SAFB: variants seen among roughly 807,000 people sequenced by gnomAD.
SAFB encodes the protein scaffold attachment factor B1.
Under a neutral mutation model 101.6 loss-of-function variants are expected in SAFB, and 15 were observed. The ratio of observed to expected loss-of-function variants is 0.15; its 90% CI spans 0.10 to 0.23. The LOEUF (loss-of-function observed/expected upper bound fraction) is 0.23. SAFB is among the 10% of genes least tolerant of loss of function. The pLI, the probability that SAFB is intolerant of heterozygous loss-of-function variation, is 1.00. For missense variants in SAFB, 930 were observed against 1,104.1 expected, an observed-to-expected ratio of 0.84 and a Z score of 2.23; for synonymous variants, 449 against 407.5, an observed-to-expected ratio of 1.10 and a Z score of -1.23.
intron 5 of SAFB, among the ~76,000 whole-genome samples, 165 bp downstream of exon 5, chr19:5,645,564 T>C (rs570186128): frequency 1.3e-5 from 2 of 152,356 alleles, no homozygotes; most frequent in African/African-American, 4.8e-5. Flanking sequence ...CCTCCAAATA[T>C]AATGTACGCA....
intron 5 of SAFB, among the ~76,000 whole-genome samples, chr19:5,646,529 C>T (rs991687287): frequency 6.6e-6 from 1 of 152,190 alleles, no homozygotes; most frequent in East Asian, 1.9e-4. Flanking sequence ...GTATTTGCTT[C>T]TCTTTAGAGA....
chr19:5,629,480 A>T (rs1219055344), intron 2 of SAFB, among the ~76,000 whole-genome samples: 1 of 152,080 alleles, frequency 6.6e-6, no homozygotes, highest in Non-Finnish European at 1.5e-5. Flanking sequence ...TTTTTTCATT[A>T]AAAAAACCCG....
At chr19:5,656,140 A>G (rs1396796172) in intron 13 of SAFB, among the ~76,000 whole-genome samples, 1 of 152,222 alleles carries the variant, frequency 6.6e-6, no homozygotes, top group Non-Finnish European at 1.5e-5. Flanking sequence ...TCTGTTTTTC[A>G]CTAAAAGTTA....
rs770483515 is a variant in SAFB, at chr19:5,667,381, G to C, written c.2488G>C (p.Glu830Gln). Residue 830 changes from glutamate to glutamine, a missense_variant, in exon 19 of 21, where the codon GAG (glutamate) becomes CAG (glutamine). Physicochemically the swap from Glu to Gln is conservative, Grantham distance 29. This residue lies in a region of SAFB where 318 missense variants were observed against 342.6 expected (regional missense o/e 0.93). Coordinates refer to ENST00000588852, the MANE Select transcript of SAFB (RefSeq NM_001201338.2). This position sits in a 1 kb window ranked among gnomAD's most constrained non-coding sequence, Gnocchi z 4.0. ...RRDWGDHGRR[E>Q]DDRSWQGTAD... ...TGACTGGGGGGACCATGGCCGAAGAGAGGATGACCGGTCATGGCAGGGCAC... is the reference window on the plus strand; with the variant it reads ...TGACTGGGGGGACCATGGCCGAAGACAGGATGACCGGTCATGGCAGGGCAC... The C allele has an allele frequency of 4.2e-5, 64 of 1,511,134 alleles. No homozygotes were observed. The highest frequency in any genetic ancestry group is 8.8e-7 in the Non-Finnish European group (1 of 1,135,366). 93.6% of individuals were successfully genotyped at this position (1,511,134 alleles called of 1,614,324 possible). A position where few individuals can be genotyped will look rare whatever the true frequency, so the allele number is the denominator to read the frequency against.
chr19:5,660,524 G>A (rs1290246995), intron 14 of SAFB, among the ~76,000 whole-genome samples: 8 of 150,756 alleles, frequency 5.3e-5, no homozygotes, highest in Admixed American at 6.6e-5. Context: ...TTCTGGAGAC[G>A]GGGTCTCACT....
At chr19:5,653,833 A>T (rs1341530491) in intron 11 of SAFB, among the ~76,000 whole-genome samples, 1 of 151,772 alleles carries the variant, frequency 6.6e-6, no homozygotes, top group Non-Finnish European at 1.5e-5. Flanking sequence ...ATCTCTTTTC[A>T]TTGAACCTCC....
At chr19:5,661,343 TG>T in intron 14 of SAFB, 174 bp from the exon 15 acceptor site, 1 of 1,140,382 alleles carries the variant, frequency 8.8e-7, no homozygotes, top group Non-Finnish European at 1.2e-6. Flanking sequence ...GAGATCTTCC[TG>T]GGCTGCTCCT....
chr19:5,635,762 G>A (rs145170096), intron 2 of SAFB, among the ~76,000 whole-genome samples: 11 of 152,184 alleles, frequency 7.2e-5, no homozygotes, highest in African/African-American at 2.4e-4. Context: ...AGGGAGCTAC[G>A]AGCAGGCGAT....
chr19:5,623,423 A>G (rs1568239859), intron 1 of SAFB, 29 bp downstream of exon 1: 1 of 1,602,826 alleles, frequency 6.2e-7, no homozygotes, highest in Middle Eastern at 1.7e-4. Flanking sequence ...GGGCGGGCAC[A>G]GGGTGGGTCT....
At chr19:5,629,953 GA>G (rs2053453208) in intron 2 of SAFB, among the ~76,000 whole-genome samples, 2 of 152,148 alleles carry the variant, frequency 1.3e-5, no homozygotes, top group African/African-American at 4.8e-5. Context: ...AAGGCAAGAA[GA>G]TAGCTTGAAC....
At chr19:5,644,857 C>G (rs1243604332) in intron 4 of SAFB, among the ~76,000 whole-genome samples, 2 of 152,226 alleles carry the variant, frequency 1.3e-5, no homozygotes, top group Non-Finnish European at 2.9e-5. Context: ...TGTCCTCACC[C>G]TCATGCTGGG....
rs2053800340 is a variant in SAFB, at chr19:5,645,165, T to G, written c.547-172T>G. Among the ~76,000 whole-genome samples, 3 of 152,238 alleles carry G rather than the reference T, an allele frequency of 2.0e-5. No homozygotes were observed. In the South Asian group the frequency reaches 6.2e-4, roughly 31 times the overall value. On this transcript the variant is annotated intron_variant, in intron 4 of 20. Transcript: ENST00000588852. ...TGCAGGTGGACATTTACATACAACT[T>G]TTTTTTCAGTTTAGCTGCAATTATA...
chr19:5,640,115 A>G (rs1463148388), intron 2 of SAFB, among the ~76,000 whole-genome samples: 1 of 151,870 alleles, frequency 6.6e-6, no homozygotes, highest in East Asian at 1.9e-4. Flanking sequence ...CGGCCTCCCA[A>G]GTGCTGGGAT....
intron 2 of SAFB, among the ~76,000 whole-genome samples, chr19:5,628,369 G>T (rs1192745285): frequency 6.6e-6 from 1 of 152,100 alleles, no homozygotes; most frequent in East Asian, 1.9e-4. Context: ...GATTTTGTGC[G>T]GTATTTTCGT....
At chr19:5,634,674 T>C (rs964148496) in intron 2 of SAFB, among the ~76,000 whole-genome samples, 1 of 152,026 alleles carries the variant, frequency 6.6e-6, no homozygotes, top group Non-Finnish European at 1.5e-5. Flanking sequence ...GACAAATCAG[T>C]AAGGAAAACA....
chr19:5,667,221 C>A lies in SAFB; in HGVS notation c.2453+57C>A, dbSNP rs530015685. On this transcript the variant is annotated intron_variant, in intron 18 of 20. Coordinates refer to ENST00000588852, the MANE Select transcript of SAFB (RefSeq NM_001201338.2). This position sits in a 1 kb window ranked among gnomAD's most constrained non-coding sequence, Gnocchi z 4.0. ...CCCCCCCCGCCCACAAGGGGGCCCG[C>A]AAGTCGCTGGGATGTGGGCACAGGG... The A allele has an allele frequency of 1.6e-6, 2 of 1,280,420 alleles. No individual in the cohort carries two copies. The highest frequency in any genetic ancestry group is 2.8e-5 in the South Asian group (2 of 72,108). 79.3% of individuals were successfully genotyped at this position (1,280,420 alleles called of 1,614,324 possible).
chr19:5,641,298 T>C (rs1339018389), intron 2 of SAFB, among the ~76,000 whole-genome samples: 1 of 152,166 alleles, frequency 6.6e-6, no homozygotes, highest in Non-Finnish European at 1.5e-5. Flanking sequence ...ACAAGGACAC[T>C]TGGGATAGGA....
chr19:5,654,108 C>G lies in SAFB; in HGVS notation c.1574C>G (p.Ala525Gly), dbSNP rs778883528. The stretch of plus-strand genomic sequence containing the variant: ...GATAAATGTGACAGAAAAGATGATG[C>G]TAAGAAGGGTGACGACGGAAGTGGA... ...RDDKCDRKDD[A>G]KKGDDGSGEK... Residue 525 changes from alanine (A) to glycine (G), a missense_variant, in exon 12 of 21, where the codon GCT (alanine) becomes GGT (glycine). Physicochemically the swap from Ala to Gly is moderately conservative, Grantham distance 60 (BLOSUM62 0). This residue lies in a region of SAFB where 92 missense variants were observed against 83.8 expected (regional missense o/e 1.10). Coordinates refer to ENST00000588852, the MANE Select transcript of SAFB (RefSeq NM_001201338.2). The G allele has an allele frequency of 1.9e-6, 3 of 1,614,024 alleles. No individual in the cohort carries two copies. The South Asian group carries it at 3.3e-5, about 18-fold the overall frequency.
intron 3 of SAFB, 35 bp from the exon 4 acceptor site, chr19:5,641,705 C>G: frequency 6.2e-7 from 1 of 1,612,056 alleles, no homozygotes; most frequent in Middle Eastern, 1.7e-4. Flanking sequence ...GGACCAGTGG[C>G]GGTCACATGA....
Sources: gnomAD v4.1 joint callset for allele counts (sites outside exome capture counted in the v4.1 genomes callset) on GRCh38, gnomAD v4.1.1 for gene constraint, gnomAD v4.1.1 regional missense constraint, Gnocchi (gnomAD v3.1) non-coding constraint, MANE v1.5 for transcripts, NCBI Gene and HGNC (gene_info 2026-07-23, HGNC 2026-07-21) for gene names.